The following MEGF11 variants were observed in gnomAD, a reference collection of about 807,000 sequenced individuals.
MEGF11 encodes the protein multiple EGF like domains 11, also known as multiple epidermal growth factor-like domains protein 11.
In MEGF11, 126 loss-of-function variants were observed where a neutral mutation model predicts 146.6. That is an observed-to-expected ratio of 0.86 (90% CI 0.74 to 1.00). MEGF11 has a LOEUF of 1.00. MEGF11 is among the 50% of genes least tolerant of loss of function. The pLI, the probability that MEGF11 is intolerant of heterozygous loss-of-function variation, is 0.00. For synonymous variants in MEGF11, 532 were observed against 583.4 expected, an observed-to-expected ratio of 0.91 and a Z score of 1.27; for missense variants, 1,509 against 1,521.2, an observed-to-expected ratio of 0.99 and a Z score of 0.13.
intron 5 of MEGF11, among the ~76,000 whole-genome samples, chr15:66,037,371 C>T (rs868067602): frequency 2.0e-5 from 3 of 152,220 alleles, no homozygotes; most frequent in Non-Finnish European, 2.9e-5. Flanking sequence ...TGTCAGTTTT[C>T]GTATCTGAGC....
At chr15:65,959,672 C>G (rs1596909075) in intron 9 of MEGF11, among the ~76,000 whole-genome samples, 1 of 152,216 alleles carries the variant, frequency 6.6e-6, no homozygotes, top group East Asian at 1.9e-4. Context: ...TTCCCTGAAG[C>G]ATTATTTATA....
chr15:66,108,481 A>T (rs1288038450), intron 4 of MEGF11, among the ~76,000 whole-genome samples: 1 of 152,134 alleles, frequency 6.6e-6, no homozygotes. Context: ...AAAGAAAAAA[A>T]CAAAACAAAA....
intron 5 of MEGF11, among the ~76,000 whole-genome samples, chr15:66,019,754 G>A (rs149273097): frequency 5.3e-5 from 8 of 152,172 alleles, no homozygotes; most frequent in African/African-American, 9.7e-5. Context: ...CTCATCTTAC[G>A]ACATTCTTAT....
chr15:66,112,749 T>C (rs561495318), intron 4 of MEGF11, among the ~76,000 whole-genome samples: 1 of 152,214 alleles, frequency 6.6e-6, no homozygotes, highest in East Asian at 1.9e-4. Flanking sequence ...CAGAACACAA[T>C]GGAACACCAC....
intron 24 of MEGF11, among the ~76,000 whole-genome samples, chr15:65,903,590 T>C (rs1358508402): frequency 6.6e-6 from 1 of 152,206 alleles, no homozygotes; most frequent in Non-Finnish European, 1.5e-5. Context: ...GTCAGCACCA[T>C]ACAGCAAGAA....
At chr15:66,018,156 G>C (rs1025933766) in intron 5 of MEGF11, among the ~76,000 whole-genome samples, 9 of 152,164 alleles carry the variant, frequency 5.9e-5, no homozygotes, top group African/African-American at 2.2e-4. Context: ...GATGAGGCTG[G>C]CTGGGCCACA....
intron 5 of MEGF11, among the ~76,000 whole-genome samples, chr15:66,047,893 G>T (rs996274330): frequency 2.0e-5 from 3 of 152,060 alleles, no homozygotes; most frequent in African/African-American, 7.2e-5. Context: ...GTCACACTGG[G>T]CCTCGGGTGG....
At chr15:66,225,964 C>G (rs918411465) in intron 1 of MEGF11, among the ~76,000 whole-genome samples, 4 of 152,230 alleles carry the variant, frequency 2.6e-5, no homozygotes, top group Admixed American at 6.5e-5. Context: ...AGCCCCTTAT[C>G]CACAGTTTTG....
intron 13 of MEGF11, among the ~76,000 whole-genome samples, chr15:65,927,832 A>G (rs1309877595): frequency 3.9e-5 from 6 of 152,190 alleles, no homozygotes; most frequent in Non-Finnish European, 7.3e-5. Context: ...GCCCTGGGCC[A>G]TGGTAAGGAT....
Position 66,152,962 on chromosome 15 carries a change from G to A in MEGF11, c.-8-24551C>T, listed in dbSNP as rs746005097. ...TTGTGTGTACTGCCATGCCGGTCCCGCCTTGACAGCCCTCTCCCCTGCTCT... is the reference window on the plus strand; with the variant it reads ...TTGTGTGTACTGCCATGCCGGTCCCACCTTGACAGCCCTCTCCCCTGCTCT... On this transcript the variant is annotated intron_variant, in intron 1 of 25. Coordinates refer to ENST00000395614, the MANE Select transcript of MEGF11 (RefSeq NM_001385028.1). 3.5e-4 allele frequency among the ~76,000 whole-genome samples: 54 copies of A among 152,288 alleles called. 1 individual carries two copies. The highest frequency in any genetic ancestry group is 2.9e-3 in the Admixed American group (45 of 15,304).
At chr15:66,014,380 G>A (rs541130291) in intron 5 of MEGF11, among the ~76,000 whole-genome samples, 1 of 152,324 alleles carries the variant, frequency 6.6e-6, no homozygotes, top group East Asian at 1.9e-4. Flanking sequence ...CCAGTATACA[G>A]GAGAATAATA....
chr15:66,061,310 C>T (rs776059711), intron 5 of MEGF11, among the ~76,000 whole-genome samples: 1 of 152,204 alleles, frequency 6.6e-6, no homozygotes, highest in Non-Finnish European at 1.5e-5. Context: ...TTACTGCAGG[C>T]CGTCCCAGGC....
chr15:65,964,919 G>T lies in MEGF11; in HGVS notation c.1101C>A (p.Asp367Glu). 1 of 1,565,062 alleles carries T rather than the reference G, an allele frequency of 6.4e-7. No individual in the cohort carries two copies. The change falls in exon 9 of 26, where the codon GAC (aspartate) becomes GAA (glutamate). Residue 367 changes from aspartate (D) to glutamate (E), a missense_variant. Transcript: ENST00000395614. ...TTCCCAGCTCATACCTGATGGTGTT[G>T]TCAGCGTCACAGGGGCAGGGCAGGG... ...GCTLPCPCDADNTISCHPVTG... is the reference protein window; with the variant it reads ...GCTLPCPCDAENTISCHPVTG...
chr15:65,984,780 T>G (rs964876799), intron 5 of MEGF11, among the ~76,000 whole-genome samples: 1 of 152,086 alleles, frequency 6.6e-6, no homozygotes, highest in Non-Finnish European at 1.5e-5. Flanking sequence ...ATTTATTTAT[T>G]TATTTTGAGA....
At chr15:66,097,261 G>A (rs1011370385) in intron 4 of MEGF11, among the ~76,000 whole-genome samples, 1 of 152,218 alleles carries the variant, frequency 6.6e-6, no homozygotes, top group African/African-American at 2.4e-5. Context: ...GACACCTGGT[G>A]GGGAGGGGCT....
At chr15:66,191,078 C>T (rs2090858643) in intron 1 of MEGF11, among the ~76,000 whole-genome samples, 1 of 152,108 alleles carries the variant, frequency 6.6e-6, no homozygotes, top group Admixed American at 6.6e-5. Context: ...GCAAGTTTCT[C>T]CCCCGATATC....
chr15:66,022,676 A>G (rs1567206232), intron 5 of MEGF11, among the ~76,000 whole-genome samples: 1 of 152,100 alleles, frequency 6.6e-6, no homozygotes, highest in Non-Finnish European at 1.5e-5. Flanking sequence ...AATTTTTTAA[A>G]AAATTAGCTG....
Position 65,970,574 on chromosome 15 carries a change from G to A in MEGF11, c.878C>T (p.Thr293Ile). 1.2e-6 allele frequency: 2 copies of A among 1,614,026 alleles called. No homozygotes were observed. Among genetic ancestry groups the A allele is most frequent in the Non-Finnish European group, 1.7e-6 (2 of 1,179,890 alleles). Residue 293 changes from threonine (T) to isoleucine (I), a missense_variant, in exon 8 of 26, where the codon ACA (threonine) becomes ATA (isoleucine). Transcript: ENST00000395614. ...CDHVTGQCHC[T>I]AGYMGDRCQE... ...TTACCTGTCCCCCATGTATCCAGCT[G>A]TACAGTGGCACTGTCCAGTCACGTG...
At chr15:66,088,086 T>C (rs1434837091) in intron 5 of MEGF11, among the ~76,000 whole-genome samples, 1 of 152,180 alleles carries the variant, frequency 6.6e-6, no homozygotes, top group Non-Finnish European at 1.5e-5. Context: ...AAGCGACGGA[T>C]AAATTCCTGG....
Sources: allele counts gnomAD v4.1 joint callset (sites outside exome capture counted in the v4.1 genomes callset), GRCh38; gene constraint gnomAD v4.1.1; transcripts MANE v1.5; gene names NCBI Gene and HGNC (gene_info 2026-07-23, HGNC 2026-07-21).